Variants in PTPRD observed in about 807,000 individuals in gnomAD.
The protein encoded by PTPRD is receptor-type tyrosine-protein phosphatase delta.
PTPRD carries 34 observed loss-of-function variants against 214.5 expected under a neutral mutation model. The ratio of observed to expected loss-of-function variants is 0.16; its 90% confidence interval spans 0.12 to 0.21. The LOEUF (loss-of-function observed/expected upper bound fraction) is 0.21. Ranked by LOEUF, PTPRD falls within the 10% of genes least tolerant of loss-of-function variation. The pLI is 1.00. For missense variants in PTPRD, 2,545 were observed against 2,398.7 expected (o/e 1.06, Z -1.27); for synonymous variants, 1,128 against 845.7 (o/e 1.33, Z -5.79).
intron 27 of PTPRD, among the ~76,000 whole-genome samples, chr9:8,492,079 T>C (rs542989752): frequency 6.6e-6 from 1 of 152,346 alleles, no homozygotes; most frequent in African/African-American, 2.4e-5. Flanking sequence ...AGAAACCTTA[T>C]TCTTTAGAGG....
chr9:10,187,960 G>A (rs890666326), intron 3 of PTPRD, among the ~76,000 whole-genome samples: 1 of 152,082 alleles, frequency 6.6e-6, no homozygotes, highest in Admixed American at 6.6e-5. Flanking sequence ...CTTTGTTTAT[G>A]GAATCCATAT....
chr9:9,559,165 T>G (rs1315994527), intron 8 of PTPRD, among the ~76,000 whole-genome samples: 1 of 152,124 alleles, frequency 6.6e-6, no homozygotes, highest in African/African-American at 2.4e-5. Flanking sequence ...TGCTTCCCAG[T>G]CTGGGGCGTG....
chr9:9,487,712 G>T (rs2095710719), intron 8 of PTPRD, among the ~76,000 whole-genome samples: 1 of 152,066 alleles, frequency 6.6e-6, no homozygotes, highest in Non-Finnish European at 1.5e-5. Flanking sequence ...ACCCATCTAA[G>T]TAAGCATATG....
intron 5 of PTPRD, among the ~76,000 whole-genome samples, chr9:9,936,146 A>C (rs1159878845): frequency 6.8e-6 from 1 of 147,862 alleles, no homozygotes; most frequent in Non-Finnish European, 1.5e-5. Context: ...CCTAGGCATT[A>C]CCATTCAGGA....
At chr9:8,803,315 G>T (rs566717078) in intron 11 of PTPRD, among the ~76,000 whole-genome samples, 2 of 152,074 alleles carry the variant, frequency 1.3e-5, no homozygotes, top group South Asian at 2.1e-4. Flanking sequence ...ATAATTATTA[G>T]GCTTCCCTAT....
chr9:8,426,932 A>G (rs2094716445), intron 35 of PTPRD, among the ~76,000 whole-genome samples: 1 of 152,154 alleles, frequency 6.6e-6, no homozygotes, highest in Non-Finnish European at 1.5e-5. Flanking sequence ...AAAAAAGACT[A>G]TAAGCGCATA....
rs747208309 is a variant in PTPRD at position 9,667,449 on chromosome 9, G to A, written c.-287+67084C>T. Among the ~76,000 whole-genome samples the A allele has an allele frequency of 5.3e-5, 8 of 152,050 alleles. No homozygotes were observed. In the East Asian group the frequency reaches 5.8e-4, roughly 11 times the overall value. On this transcript the variant is annotated intron_variant, in intron 7 of 45. Coordinates refer to ENST00000381196, the MANE Select transcript of PTPRD (RefSeq NM_002839.4). ...CTCTCCATCAGTCACTGGTTTGCCCGAAAGTCATAAAATAGTTTATGTTCA... is the reference window on the plus strand; with the variant it reads ...CTCTCCATCAGTCACTGGTTTGCCCAAAAGTCATAAAATAGTTTATGTTCA...
chr9:9,440,109 A>G (rs914413477), intron 8 of PTPRD, among the ~76,000 whole-genome samples: 2 of 152,190 alleles, frequency 1.3e-5, no homozygotes, highest in Non-Finnish European at 2.9e-5. Flanking sequence ...ATACAGTTCA[A>G]TGAAAATATC....
chr9:9,555,938 T>G (rs1029048163), intron 8 of PTPRD, among the ~76,000 whole-genome samples: 6 of 152,142 alleles, frequency 3.9e-5, no homozygotes, highest in Non-Finnish European at 5.9e-5. Context: ...CTTTGCTTCC[T>G]TTTAAATTTA....
intron 6 of PTPRD, among the ~76,000 whole-genome samples, chr9:9,757,908 C>A (rs2098603316): frequency 6.6e-6 from 1 of 151,834 alleles, no homozygotes; most frequent in African/African-American, 2.4e-5. Context: ...ATTGTGGAGC[C>A]CAAGTGAAGC....
chr9:8,346,877 G>C (rs918667097), intron 39 of PTPRD, among the ~76,000 whole-genome samples: 1 of 152,058 alleles, frequency 6.6e-6, no homozygotes. Flanking sequence ...TGTGAAGAAG[G>C]AAAAAGAAAT....
At chr9:9,469,583 A>T (rs1352295069) in intron 8 of PTPRD, among the ~76,000 whole-genome samples, 1 of 152,232 alleles carries the variant, frequency 6.6e-6, no homozygotes, top group African/African-American at 2.4e-5. Context: ...AACTGATGAC[A>T]GATGAAAAGG....
At chr9:10,423,105 C>A (rs542111163) in intron 2 of PTPRD, among the ~76,000 whole-genome samples, 1 of 152,152 alleles carries the variant, frequency 6.6e-6, no homozygotes, top group African/African-American at 2.4e-5. Context: ...CACATATACA[C>A]CATGGAATAC....
chr9:9,782,726 T>G (rs1476218319), intron 5 of PTPRD, among the ~76,000 whole-genome samples: 1 of 152,182 alleles, frequency 6.6e-6, no homozygotes, highest in Non-Finnish European at 1.5e-5. Context: ...AATTATAACA[T>G]TCTCTCAAGT....
intron 9 of PTPRD, among the ~76,000 whole-genome samples, chr9:9,313,960 G>C (rs563502813): frequency 6.6e-6 from 1 of 152,090 alleles, no homozygotes; most frequent in East Asian, 1.9e-4. Flanking sequence ...CATGTGCTCA[G>C]TATATTTTAA....
intron 11 of PTPRD, among the ~76,000 whole-genome samples, chr9:8,880,892 C>T (rs1030611300): frequency 6.6e-5 from 10 of 152,142 alleles, no homozygotes; most frequent in African/African-American, 2.4e-4. Context: ...TCAAGCCATC[C>T]TCCCACATGC....
At chr9:10,503,076 A>G (rs1359176522) in intron 2 of PTPRD, among the ~76,000 whole-genome samples, 6 of 151,706 alleles carry the variant, frequency 4.0e-5, no homozygotes, top group African/African-American at 1.5e-4. Flanking sequence ...TATGGTTACC[A>G]CAACTCGGTC....
chr9:8,416,228 C>A (rs1266572262), intron 35 of PTPRD, among the ~76,000 whole-genome samples: 1 of 151,966 alleles, frequency 6.6e-6, no homozygotes, highest in Non-Finnish European at 1.5e-5. Context: ...TAAACTTTTA[C>A]TGTTAAAGAA....
chr9:8,315,892 C>A lies in PTPRD; in HGVS notation c.*1982G>T, dbSNP rs1282430347. 4.4e-6 allele frequency: 1 copy of A among 225,440 alleles called. No homozygotes were observed. The highest frequency in any genetic ancestry group is 8.8e-6 in the Non-Finnish European group (1 of 113,174). The allele number at this position is 225,440 out of a possible 1,614,324, so 14.0% of individuals were successfully genotyped here. A position where few individuals can be genotyped will look rare whatever the true frequency, so the allele number is the denominator to read the frequency against. On this transcript the variant is annotated 3_prime_UTR_variant, in exon 46 of 46. Transcript: ENST00000381196. Reference sequence around the variant, plus strand: ...ATATGTGGCAAACTTATGCCATCATCCATGGCTTCCTATAGAAATTCTGTT... The same window carrying A: ...ATATGTGGCAAACTTATGCCATCATACATGGCTTCCTATAGAAATTCTGTT...
Sources: gnomAD v4.1 joint callset for allele counts (sites outside exome capture counted in the v4.1 genomes callset) on GRCh38, gnomAD v4.1.1 for gene constraint, MANE v1.5 for transcripts, NCBI Gene and HGNC (gene_info 2026-07-23, HGNC 2026-07-21) for gene names.